The following MACO1 variants were observed in gnomAD, a reference collection of about 807,000 sequenced individuals.
MACO1 encodes the protein macoilin.
MACO1 carries 14 observed loss-of-function variants against 78.7 expected under a neutral mutation model. The observed-to-expected ratio is 0.18, with a 90% confidence interval of 0.12 to 0.28. The LOEUF (loss-of-function observed/expected upper bound fraction) is 0.28. Among genes scored for constraint, MACO1 ranks in the 10% least tolerant of loss-of-function variants. MACO1 has a pLI of 1.00. For missense variants in MACO1, 501 were observed against 799.0 expected (o/e 0.63, Z 4.50); for synonymous variants, 288 against 291.6 (o/e 0.99, Z 0.12).
intron 6 of MACO1, 56 bp from the exon 7 acceptor site, chr1:25,484,060 C>T: frequency 6.5e-7 from 1 of 1,549,430 alleles, no homozygotes; most frequent in East Asian, 2.3e-5. Flanking sequence ...CAGGTCCCTC[C>T]CAGCTCTGTG....
chr1:25,454,452 GT>G, intron 4 of MACO1, 70 bp downstream of exon 4: 1 of 201,572 alleles, frequency 5.0e-6, no homozygotes, highest in Admixed American at 1.1e-4. Flanking sequence ...GTGTGTGTGT[GT>G]GTGTGTGTGT....
intron 6 of MACO1, among the ~76,000 whole-genome samples, chr1:25,466,129 G>C (rs1047336489): frequency 6.6e-6 from 1 of 152,172 alleles, no homozygotes; most frequent in Admixed American, 6.5e-5. Flanking sequence ...TAGCTAACCA[G>C]TAGTGGGATT....
intron 3 of MACO1, among the ~76,000 whole-genome samples, chr1:25,452,870 T>G (rs1259423879): frequency 6.6e-6 from 1 of 151,864 alleles, no homozygotes. Flanking sequence ...CTAATTTTTG[T>G]GTTTTTAGTA....
At chr1:25,488,327 G>A (rs2043453295) in intron 8 of MACO1, among the ~76,000 whole-genome samples, 1 of 152,024 alleles carries the variant, frequency 6.6e-6, no homozygotes, top group Admixed American at 6.6e-5. Flanking sequence ...TGGGATTACG[G>A]GCATGAGCCA....
At chr1:25,431,289 G>A in intron 1 of MACO1, 111 bp downstream of exon 1, 1 of 797,444 alleles carries the variant, frequency 1.3e-6, no homozygotes, top group Non-Finnish European at 1.8e-6. Flanking sequence ...CCGCGCCGGG[G>A]GCTCTCCTAA....
Position 25,431,192 on chromosome 1 carries a change from C to A in MACO1, c.80+14C>A, listed in dbSNP as rs2042861659. On this transcript the variant is annotated intron_variant, in intron 1 of 10. Coordinates refer to ENST00000374343, the MANE Select transcript of MACO1 (RefSeq NM_018202.6). ...CATTTACGGCAGGTGAGCGGCTGCA[C>A]CCCCACTCCGCGGGCGCGGGCCCTG... 2 of 1,580,204 alleles carry A rather than the reference C, an allele frequency of 1.3e-6. No individual in the cohort carries two copies. The highest frequency in any genetic ancestry group is 1.4e-5 in the African/African-American group (1 of 71,468).
At chr1:25,437,109 ATTG>A (rs1322217265) in intron 1 of MACO1, among the ~76,000 whole-genome samples, 1 of 149,564 alleles carries the variant, frequency 6.7e-6, no homozygotes, top group Non-Finnish European at 1.5e-5. Context: ...TTTGAATCAT[ATTG>A]TTACGTTGTT....
chr1:25,478,104 G>C (rs1014542870), intron 6 of MACO1, among the ~76,000 whole-genome samples: 1 of 152,092 alleles, frequency 6.6e-6, no homozygotes, highest in Non-Finnish European at 1.5e-5. Context: ...CATTAGCCAG[G>C]CATGGTGGTA....
intron 6 of MACO1, among the ~76,000 whole-genome samples, chr1:25,459,645 T>G (rs1026236798): frequency 6.6e-6 from 1 of 152,016 alleles, no homozygotes; most frequent in Non-Finnish European, 1.5e-5. Context: ...AGGCTAATTT[T>G]TTTGTATTTT....
intron 6 of MACO1, among the ~76,000 whole-genome samples, chr1:25,480,913 T>TAGAAAAAAAAA (rs2043366284): frequency 6.2e-5 from 1 of 16,238 alleles, no homozygotes; most frequent in African/African-American, 2.6e-4. Context: ...GAGACTTGGT[T>TAGAAAAAAAAA]AAAAAAAAAA....
chr1:25,440,767 C>CAAAAA (rs71815906), intron 1 of MACO1, among the ~76,000 whole-genome samples: 3 of 107,104 alleles, frequency 2.8e-5, no homozygotes, highest in South Asian at 3.6e-4. Context: ...GACTCCATCT[C>CAAAAA]AAAAAAAAAA....
chr1:25,485,183 A>C lies in MACO1; in HGVS notation c.1314-430A>C, dbSNP rs2043418534. 6.6e-6 allele frequency among the ~76,000 whole-genome samples: 1 copy of C among 152,224 alleles called. No homozygotes were observed. The highest frequency in any genetic ancestry group is 2.4e-5 in the African/African-American group (1 of 41,448). ...GCTACAGCAAAATTGTATTCAGGAA[A>C]AATAAAAACCTTCCCCTTTCCACCC... On this transcript the variant is annotated intron_variant, in intron 7 of 10. Coordinates refer to ENST00000374343, the MANE Select transcript of MACO1 (RefSeq NM_018202.6). This position sits in a 1 kb window ranked among gnomAD's most constrained non-coding sequence, Gnocchi z 4.3.
intron 6 of MACO1, among the ~76,000 whole-genome samples, chr1:25,480,929 A>AAAAAAAAT (rs1553166539): frequency 9.2e-4 from 44 of 47,886 alleles, no homozygotes; most frequent in African/African-American, 2.1e-3. Context: ...AAAAAAAAAA[A>AAAAAAAAT]ATATATATAT....
intron 6 of MACO1, among the ~76,000 whole-genome samples, chr1:25,480,607 A>G (rs1272916068): frequency 2.0e-5 from 3 of 152,028 alleles, no homozygotes; most frequent in Non-Finnish European, 4.4e-5. Flanking sequence ...TCTTTGATAA[A>G]ATTTTTATAT....
At chr1:25,435,778 G>A (rs781096251) in intron 1 of MACO1, among the ~76,000 whole-genome samples, 1 of 152,202 alleles carries the variant, frequency 6.6e-6, no homozygotes, top group Non-Finnish European at 1.5e-5. Context: ...TGTTGGGGAA[G>A]GAGAAATTGA....
chr1:25,469,210 T>C lies in MACO1; in HGVS notation c.1154+10318T>C, dbSNP rs192984158. Among the ~76,000 whole-genome samples, 10 of 152,278 alleles carry C rather than the reference T, an allele frequency of 6.6e-5. No homozygotes were observed. The East Asian group carries it at 1.9e-3, about 29-fold the overall frequency. ...ATTAACAAATCTGAATCTAGAGAAA[T>C]ATTTTTAGAGCATATATATTGATAA... On this transcript the variant is annotated intron_variant, in intron 6 of 10. Transcript: ENST00000374343.
At chr1:25,444,465 A>G (rs2042998567) in intron 1 of MACO1, among the ~76,000 whole-genome samples, 1 of 152,132 alleles carries the variant, frequency 6.6e-6, no homozygotes, top group Non-Finnish European at 1.5e-5. Context: ...TTCAAAACGT[A>G]GAAAGGGTTC....
chr1:25,464,556 G>A (rs1421658628), intron 6 of MACO1, among the ~76,000 whole-genome samples: 1 of 151,482 alleles, frequency 6.6e-6, no homozygotes, highest in Non-Finnish European at 1.5e-5. Context: ...TGTTGGCCAG[G>A]CTGGTCTTGA....
chr1:25,431,912 CTCT>C (rs1448016999), intron 1 of MACO1, among the ~76,000 whole-genome samples: 2 of 105,812 alleles, frequency 1.9e-5, no homozygotes, highest in African/African-American at 8.3e-5. Flanking sequence ...TTTCTCCAAA[CTCT>C]TTTTTTTTTT....
Sources: allele counts gnomAD v4.1 joint callset (sites outside exome capture counted in the v4.1 genomes callset), GRCh38; gene constraint gnomAD v4.1.1; non-coding constraint Gnocchi (gnomAD v3.1); transcripts MANE v1.5; gene names NCBI Gene and HGNC (gene_info 2026-07-23, HGNC 2026-07-21).